The following FAAH2 variants were observed in gnomAD, a reference collection of about 807,000 sequenced individuals.
FAAH2 encodes fatty acid amide hydrolase 2.
A neutral mutation model predicts 36.9 loss-of-function variants in FAAH2; 60 were observed. That is an observed-to-expected ratio of 1.63 (90% CI 1.32 to 2.02). FAAH2 has a LOEUF of 2.02. FAAH2 is among the 30% of genes most tolerant of loss of function. The pLI, the probability that FAAH2 is intolerant of heterozygous loss-of-function variation, is 0.00. For synonymous variants in FAAH2, 214 were observed against 143.8 expected (o/e 1.49, Z -3.49); for missense variants, 689 against 397.5 (o/e 1.73, Z -6.23).
chrX:57,156,816 C>T, the FAAH2 span, among the ~76,000 whole-genome samples: 1 of 111,915 alleles, frequency 8.9e-6, no homozygotes, highest in African/African-American at 3.2e-5. Context: ...GACCACTGCA[C>T]CTGTCACCGT....
chrX:57,330,361 C>A (rs372183125), intron 3 of FAAH2, among the ~76,000 whole-genome samples: 4 of 111,375 alleles, frequency 3.6e-5, no homozygotes, highest in Non-Finnish European at 7.5e-5. Context: ...TCTCCCATAG[C>A]GCTCCCAGGC....
At chrX:57,313,129 G>T (rs984238505) in intron 3 of FAAH2, among the ~76,000 whole-genome samples, 1 of 99,041 alleles carries the variant, frequency 1.0e-5, no homozygotes, top group Admixed American at 1.2e-4. Context: ...CCAAGCTGAG[G>T]AAAGAATCCA....
intron 2 of FAAH2, among the ~76,000 whole-genome samples, chrX:57,295,652 G>A (rs1004709259): frequency 1.1e-4 from 12 of 112,196 alleles, no homozygotes; most frequent in African/African-American, 3.9e-4. Context: ...CAGCAGCAGG[G>A]CGAGGCATCA....
At chrX:57,344,327 G>A (rs761065543) in intron 5 of FAAH2, among the ~76,000 whole-genome samples, 95 of 110,316 alleles carry the variant, frequency 8.6e-4, no homozygotes, top group African/African-American at 3.1e-3. Context: ...TCACCTCTTT[G>A]GTTAGTGGTA....
At chrX:57,233,364 C>T in the FAAH2 span, among the ~76,000 whole-genome samples, 1 of 111,548 alleles carries the variant, frequency 9.0e-6, no homozygotes, top group Middle Eastern at 4.3e-3. Context: ...CAACTTCTAC[C>T]TTATTTAAAA....
intron 5 of FAAH2, among the ~76,000 whole-genome samples, chrX:57,345,274 G>T (rs1022596596): frequency 9.2e-6 from 1 of 108,236 alleles, no homozygotes; most frequent in Non-Finnish European, 1.9e-5. Context: ...TGTCTTTTGT[G>T]CATTGGTAGG....
chrX:57,205,654 A>T, the FAAH2 span, among the ~76,000 whole-genome samples: 1 of 112,253 alleles, frequency 8.9e-6, no homozygotes, highest in Non-Finnish European at 1.9e-5. Flanking sequence ...CCAGAATAAG[A>T]AGCTTTACCA....
At chrX:57,186,782 G>T in the FAAH2 span, among the ~76,000 whole-genome samples, 1 of 111,762 alleles carries the variant, frequency 8.9e-6, no homozygotes, top group African/African-American at 3.3e-5. Flanking sequence ...TCTGCATATG[G>T]CTAGCCAGTC....
chrX:57,225,552 G>A, the FAAH2 span, among the ~76,000 whole-genome samples: 2 of 111,450 alleles, frequency 1.8e-5, no homozygotes, highest in Non-Finnish European at 3.8e-5. Flanking sequence ...TTCATTTTAT[G>A]GCCTATCATA....
chrX:57,302,692 G>A (rs2052409635), intron 2 of FAAH2, among the ~76,000 whole-genome samples: 1 of 111,189 alleles, frequency 9.0e-6, no homozygotes. Context: ...CCCTACCACT[G>A]GCTGTACTTG....
chrX:57,288,728 A>G (rs2051893149), intron 1 of FAAH2, among the ~76,000 whole-genome samples: 1 of 111,001 alleles, frequency 9.0e-6, no homozygotes, highest in South Asian at 3.8e-4. Flanking sequence ...TACCTTTTAG[A>G]GTTATTGTGA....
chrX:57,263,004 C>T, the FAAH2 span, among the ~76,000 whole-genome samples: 1 of 111,394 alleles, frequency 9.0e-6, no homozygotes, highest in African/African-American at 3.2e-5. Context: ...TCACATCACA[C>T]ATAATGGTAA....
At chrX:57,470,797 A>C (rs1001102387) in intron 10 of FAAH2, among the ~76,000 whole-genome samples, 6 of 110,719 alleles carry the variant, frequency 5.4e-5, no homozygotes, top group African/African-American at 2.0e-4. Context: ...ACAACCAAAA[A>C]AGAATTTTAG....
intron 10 of FAAH2, among the ~76,000 whole-genome samples, chrX:57,469,610 A>G (rs1156946467): frequency 8.9e-6 from 1 of 111,871 alleles, no homozygotes; most frequent in African/African-American, 3.3e-5. Flanking sequence ...AAGTCCTGAG[A>G]GACCTACAAA....
chrX:57,438,559 T>A (rs1483429643), intron 8 of FAAH2, among the ~76,000 whole-genome samples: 1 of 110,547 alleles, frequency 9.0e-6, no homozygotes, highest in Non-Finnish European at 1.9e-5. Context: ...CAGTGTCATT[T>A]TTTCGAAGAA....
At chrX:57,247,119 C>CATATAT in the FAAH2 span, among the ~76,000 whole-genome samples, 1 of 111,186 alleles carries the variant, frequency 9.0e-6, no homozygotes. Context: ...CCATGCTTGA[C>CATATAT]ATATAGTTTG....
At chrX:57,353,080 T>TC in intron 5 of FAAH2, among the ~76,000 whole-genome samples, 1 of 110,214 alleles carries the variant, frequency 9.1e-6, no homozygotes, top group Non-Finnish European at 1.9e-5. Flanking sequence ...CCAACATCAT[T>TC]TTCACAGTAT....
At chrX:57,181,198 G>T in the FAAH2 span, among the ~76,000 whole-genome samples, 1 of 110,198 alleles carries the variant, frequency 9.1e-6, no homozygotes, top group African/African-American at 3.3e-5. Context: ...AGCTAGAAGC[G>T]TTCACCTTGA....
At chrX:57,402,841 G>T (rs1360986596) in intron 7 of FAAH2, among the ~76,000 whole-genome samples, 2 of 112,011 alleles carry the variant, frequency 1.8e-5, no homozygotes, top group Non-Finnish European at 3.8e-5. Flanking sequence ...CTGCCTGGTG[G>T]CAGAATTGTT....
Sources: gnomAD v4.1 joint callset for allele counts (sites outside exome capture counted in the v4.1 genomes callset) on GRCh38, gnomAD v4.1.1 for gene constraint, MANE v1.5 for transcripts, NCBI Gene and HGNC (gene_info 2026-07-23, HGNC 2026-07-21) for gene names.